CELSR1: variants seen among roughly 807,000 people sequenced by gnomAD.
CELSR1 encodes cadherin EGF LAG seven-pass G-type receptor 1, also known as adhesion G protein-coupled receptor C1.
A neutral mutation model predicts 249.1 loss-of-function variants in CELSR1; 110 were observed. The ratio of observed to expected loss-of-function variants is 0.44; its 90% CI spans 0.38 to 0.52. The LOEUF (loss-of-function observed/expected upper bound fraction) is 0.52, where lower values mean the gene tolerates loss of function less well. CELSR1 is among the 20% of genes least tolerant of loss of function. The pLI is 0.00. For missense variants in CELSR1, 4,109 were observed against 4,296.4 expected (o/e 0.96, Z 1.22); for synonymous variants, 2,113 against 1,900.0 (o/e 1.11, Z -2.92).
At position 46,398,623 on chromosome 22, in the gene CELSR1, G is replaced by A. The variant is rs201170657; in HGVS notation, c.5427C>T (p.Ile1809=). Residue 1809 remains isoleucine (I), a synonymous_variant, in exon 11 of 35, where the codon ATC becomes ATT. Coordinates refer to ENST00000674500, the MANE Select transcript of CELSR1 (RefSeq NM_001378328.1). This position sits in a 1 kb window ranked among gnomAD's most constrained non-coding sequence, Gnocchi z 7.2. ...DYGMDQNKAD[I]GGMLPGLTVR... is the part of the protein sequence containing the mutation. The stretch of plus-strand genomic sequence containing the variant: ...CCGTCAGCCCGGGAAGCATGCCCCC[G>A]ATATCTGCCTTGTTCTGTGCGGAGA... 117 of 1,613,712 alleles carry A rather than the reference G, an allele frequency of 7.3e-5. 2 individuals carry two copies. In the Admixed American group the frequency reaches 1.3e-3, roughly 18 times the overall value.
At chr22:46,485,096 C>G (rs952124184) in intron 1 of CELSR1, among the ~76,000 whole-genome samples, 2 of 152,076 alleles carry the variant, frequency 1.3e-5, no homozygotes, top group African/African-American at 4.8e-5. Context: ...GCAGGCCTCC[C>G]CGTGAAAACA....
rs1186248710 is a variant in CELSR1 at position 46,410,324 on chromosome 22, TGACCTCTGTGTGGCTGCC to T, written c.4933+56_4933+73del. On this transcript the variant is annotated intron_variant, in intron 7 of 34. Transcript: ENST00000674500. This position sits in a 1 kb window ranked among gnomAD's most constrained non-coding sequence, Gnocchi z 6.8. Reference sequence around the variant, plus strand: ...CGGCTCCCCAGGGATCTGCAAGCAGTGACCTCTGTGTGGCTGCCGACGTCCAGCCAGATGCCACTGCGG... The same window carrying T: ...CGGCTCCCCAGGGATCTGCAAGCAGTGACGTCCAGCCAGATGCCACTGCGG... The T allele has an allele frequency of 6.4e-7, 1 of 1,557,800 alleles. No homozygotes were observed. Among genetic ancestry groups the T allele is most frequent in the Non-Finnish European group, 8.8e-7 (1 of 1,136,508 alleles).
At position 46,436,332 on chromosome 22, in the gene CELSR1, G is replaced by A. The variant is rs1423558267; in HGVS notation, c.4407-43C>T. Reference sequence around the variant, plus strand: ...GGCACATCACAGGATGAAGACCCCAGGGTCCAAAGGCTGCCTAGGAATGAC... The same window carrying A: ...GGCACATCACAGGATGAAGACCCCAAGGTCCAAAGGCTGCCTAGGAATGAC... On this transcript the variant is annotated intron_variant, in intron 3 of 34. Coordinates refer to ENST00000674500, the MANE Select transcript of CELSR1 (RefSeq NM_001378328.1). The surrounding 1 kb of genome is among the most constrained non-coding windows in gnomAD (Gnocchi z 5.9). The A allele has an allele frequency of 6.7e-7, 1 of 1,497,900 alleles. No homozygotes were observed. The highest frequency in any genetic ancestry group is 9.3e-7 in the Non-Finnish European group (1 of 1,076,812). 92.8% of individuals were successfully genotyped at this position (1,497,900 alleles called of 1,614,324 possible).
chr22:46,480,272 T>C (rs556446741), intron 1 of CELSR1, among the ~76,000 whole-genome samples: 4 of 152,314 alleles, frequency 2.6e-5, no homozygotes, highest in Admixed American at 1.3e-4. Flanking sequence ...CAAGCTGTGG[T>C]AGACGAAATA....
chr22:46,415,163 CTTTT>C (rs976711580), intron 5 of CELSR1, among the ~76,000 whole-genome samples: 7 of 152,050 alleles, frequency 4.6e-5, no homozygotes, highest in Non-Finnish European at 8.8e-5. Context: ...GAAAATACTT[CTTTT>C]GAGATGGAAT....
At position 46,536,958 on chromosome 22, in the gene CELSR1, C is replaced by A; in HGVS notation, c.213G>T (p.Gly71=). The stretch of plus-strand genomic sequence containing the variant: ...AGACGCGCCGACGTCCTGCCAGCCG[C>A]CCATCGCGGCCCACGTCCAGCAGCT... ...PRELLDVGRD[G]RLAGRRRVSG... is the part of the protein sequence containing the mutation. The change falls in exon 1 of 35, where the codon GGG becomes GGT. Residue 71 remains glycine, a synonymous_variant. Coordinates refer to ENST00000674500, the MANE Select transcript of CELSR1 (RefSeq NM_001378328.1). 8.7e-7 allele frequency: 1 copy of A among 1,148,782 alleles called. No homozygotes were observed. Among genetic ancestry groups the A allele is most frequent in the Non-Finnish European group, 1.1e-6 (1 of 937,248 alleles). The allele number at this position is 1,148,782 out of a possible 1,614,324, so 71.2% of individuals were successfully genotyped here. A position where few individuals can be genotyped will look rare whatever the true frequency, so the allele number is the denominator to read the frequency against.
rs538253180 is a variant in CELSR1 at position 46,398,502 on chromosome 22, G to A, written c.5526+22C>T. On this transcript the variant is annotated intron_variant, in intron 11 of 34. Transcript: ENST00000674500. The surrounding 1 kb of genome is among the most constrained non-coding windows in gnomAD (Gnocchi z 7.2). ...GCCTGTGAGGGGCAGGCCTCCCCCC[G>A]CCCCCCACAACCCCCACGCACCTGC... 1.1e-4 allele frequency: 95 copies of A among 833,874 alleles called. 2 individuals are homozygous for A. The East Asian group carries it at 2.1e-3, about 19-fold the overall frequency. The allele number at this position is 833,874 out of a possible 1,614,324, so 51.7% of individuals were successfully genotyped here.
At position 46,393,960 on chromosome 22, in the gene CELSR1, G is replaced by C. The variant is rs2079121633; in HGVS notation, c.5964+182C>G. Among the ~76,000 whole-genome samples, 1 of 152,234 alleles carries C rather than the reference G, an allele frequency of 6.6e-6. No homozygotes were observed. Among genetic ancestry groups the C allele is most frequent in the South Asian group, 2.1e-4 (1 of 4,836 alleles). Reference sequence around the variant, plus strand: ...CCATGGAGTATTCACAGAGCACGGGGGAGCAGCAAGGAAACCAAAAACCAC... The same window carrying C: ...CCATGGAGTATTCACAGAGCACGGGCGAGCAGCAAGGAAACCAAAAACCAC... On this transcript the variant is annotated intron_variant, in intron 14 of 34. Transcript: ENST00000674500. This position sits in a 1 kb window ranked among gnomAD's most constrained non-coding sequence, Gnocchi z 4.1.
At chr22:46,389,943 C>G (rs562430751) in intron 17 of CELSR1, among the ~76,000 whole-genome samples, 1 of 151,958 alleles carries the variant, frequency 6.6e-6, no homozygotes, top group African/African-American at 2.4e-5. Flanking sequence ...TAGAGTGAGA[C>G]TCCATCTCCA....
At position 46,380,035 on chromosome 22, in the gene CELSR1, T is replaced by G. The variant is rs1026444440; in HGVS notation, c.7256+753A>C. Among the ~76,000 whole-genome samples the G allele has an allele frequency of 6.3e-4, 96 of 152,106 alleles. No homozygotes were observed. The highest frequency in any genetic ancestry group is 1.6e-4 in the Non-Finnish European group (11 of 68,026). On this transcript the variant is annotated intron_variant, in intron 22 of 34. Coordinates refer to ENST00000674500, the MANE Select transcript of CELSR1 (RefSeq NM_001378328.1). The surrounding 1 kb of genome is among the most constrained non-coding windows in gnomAD (Gnocchi z 5.1). ...ATAGAGCAACTCAAATGTCCACACCTCACGTGAACTCTGCAGCTAAAAAGC... is the reference window on the plus strand; with the variant it reads ...ATAGAGCAACTCAAATGTCCACACCGCACGTGAACTCTGCAGCTAAAAAGC...
chr22:46,364,633 G>C lies in CELSR1; in HGVS notation c.8658C>G (p.Thr2886=). 1 of 1,612,734 alleles carries C rather than the reference G, an allele frequency of 6.2e-7. No homozygotes were observed. Among genetic ancestry groups the C allele is most frequent in the Non-Finnish European group, 8.5e-7 (1 of 1,179,924 alleles). Residue 2886 remains threonine, a synonymous_variant, in exon 33 of 35, where the codon ACC becomes ACG. Coordinates refer to ENST00000674500, the MANE Select transcript of CELSR1 (RefSeq NM_001378328.1). ...CGCGGTGCAGCTCCACGCTGACCTT[G>C]GTCTCCACCTTCAGGCGGGGCTTGC... ...PSGKPRLKVE[T]KVSVELHREE... is the part of the protein sequence containing the mutation.
Position 46,533,154 on chromosome 22 carries a change from T to C in CELSR1, c.3544+473A>G, listed in dbSNP as rs138632269. 4.1e-3 allele frequency among the ~76,000 whole-genome samples: 624 copies of C among 152,308 alleles called. 3 individuals carry two copies. The highest frequency in any genetic ancestry group is 6.0e-3 in the Non-Finnish European group (407 of 68,030). The stretch of plus-strand genomic sequence containing the variant: ...GACCAAGGGAACACCGGCTGCATTA[T>C]AGGGTGACTCAGGGACCCATCTGAC... On this transcript the variant is annotated intron_variant, in intron 1 of 34. Transcript: ENST00000674500.
chr22:46,410,260 G>A lies in CELSR1; in HGVS notation c.4933+138C>T. 9.4e-7 allele frequency: 1 copy of A among 1,065,552 alleles called. No individual in the cohort carries two copies. Among genetic ancestry groups the A allele is most frequent in the Non-Finnish European group, 1.4e-6 (1 of 739,342 alleles). The allele number at this position is 1,065,552 out of a possible 1,614,324, so 66.0% of individuals were successfully genotyped here. ...CTGGACTCCGGGTTCCATCCCAGGA[G>A]CTGCCCACCGCTGGACACATACATT... On this transcript the variant is annotated intron_variant, in intron 7 of 34. Coordinates refer to ENST00000674500, the MANE Select transcript of CELSR1 (RefSeq NM_001378328.1). This position sits in a 1 kb window ranked among gnomAD's most constrained non-coding sequence, Gnocchi z 6.8.
In CELSR1 at chr22:46,440,218, G is replaced by A. The variant is rs776676041; in HGVS notation, c.4184-807C>T. Among the ~76,000 whole-genome samples, 15 of 152,030 alleles carry A rather than the reference G, an allele frequency of 9.9e-5. No individual in the cohort carries two copies. Among genetic ancestry groups the A allele is most frequent in the East Asian group, 1.9e-4 (1 of 5,188 alleles). ...AGGGTCTCAGTGTTCGCCATGCTTCGACCCAGTTGTTCCTGGACTGGCCGC... is the reference window on the plus strand; with the variant it reads ...AGGGTCTCAGTGTTCGCCATGCTTCAACCCAGTTGTTCCTGGACTGGCCGC... On this transcript the variant is annotated intron_variant, in intron 2 of 34. Coordinates refer to ENST00000674500, the MANE Select transcript of CELSR1 (RefSeq NM_001378328.1). The surrounding 1 kb of genome is among the most constrained non-coding windows in gnomAD (Gnocchi z 4.7).
rs979244914 is a variant in CELSR1 at position 46,527,867 on chromosome 22, G to T, written c.3544+5760C>A. 6.6e-6 allele frequency among the ~76,000 whole-genome samples: 1 copy of T among 152,144 alleles called. No individual in the cohort carries two copies. Among genetic ancestry groups the T allele is most frequent in the South Asian group, 2.1e-4 (1 of 4,832 alleles). The stretch of plus-strand genomic sequence containing the variant: ...TCCCAGCATTTTGGGAGGCTGAGGC[G>T]GGCGGATAGCCTGAGGTCAGGAGTT... On this transcript the variant is annotated intron_variant, in intron 1 of 34. Coordinates refer to ENST00000674500, the MANE Select transcript of CELSR1 (RefSeq NM_001378328.1). This position sits in a 1 kb window ranked among gnomAD's most constrained non-coding sequence, Gnocchi z 5.5.
chr22:46,520,586 G>C (rs2080675586), intron 1 of CELSR1, among the ~76,000 whole-genome samples: 1 of 151,984 alleles, frequency 6.6e-6, no homozygotes, highest in Non-Finnish European at 1.5e-5. Flanking sequence ...TCAGCCTCCT[G>C]AGTAGTTGGG....
In CELSR1 at chr22:46,391,617, G is replaced by A. The variant is rs756790313; in HGVS notation, c.6148+16C>T. 7.0e-6 allele frequency: 11 copies of A among 1,578,314 alleles called. No homozygotes were observed. Among genetic ancestry groups the A allele is most frequent in the African/African-American group, 2.7e-5 (2 of 73,968 alleles). ...CCCGCGCTGTAACCTGCAGGGTGTC[G>A]AGGGGCAACGCGGACCTTCACAGCC... is the stretch of plus-strand genomic sequence containing the variant. On this transcript the variant is annotated intron_variant, in intron 15 of 34. Transcript: ENST00000674500. The surrounding 1 kb of genome is among the most constrained non-coding windows in gnomAD (Gnocchi z 4.3).
chr22:46,511,959 C>T (rs2080578588), intron 1 of CELSR1, among the ~76,000 whole-genome samples: 1 of 152,188 alleles, frequency 6.6e-6, no homozygotes, highest in Admixed American at 6.5e-5. Context: ...TGACGGTCAC[C>T]TCCTGCTTTT....
rs1474184702 is a variant in CELSR1 at position 46,393,417 on chromosome 22, G to C, written c.5964+725C>G. On this transcript the variant is annotated intron_variant, in intron 14 of 34. Coordinates refer to ENST00000674500, the MANE Select transcript of CELSR1 (RefSeq NM_001378328.1). This position sits in a 1 kb window ranked among gnomAD's most constrained non-coding sequence, Gnocchi z 4.1. ...TGACACTTTCTATTTTAAAACTGCT[G>C]TCATCATGGGACACCAGCTTGGTAA... Among the ~76,000 whole-genome samples the C allele has an allele frequency of 6.6e-6, 1 of 152,222 alleles. No homozygotes were observed. The highest frequency in any genetic ancestry group is 1.5e-5 in the Non-Finnish European group (1 of 68,050).
Sources: allele counts gnomAD v4.1 joint callset (sites outside exome capture counted in the v4.1 genomes callset), GRCh38; gene constraint gnomAD v4.1.1; non-coding constraint Gnocchi (gnomAD v3.1); transcripts MANE v1.5; gene names NCBI Gene and HGNC (gene_info 2026-07-23, HGNC 2026-07-21).